Variants in ZKSCAN2 observed in about 807,000 individuals in gnomAD.
ZKSCAN2 encodes the protein zinc finger protein with KRAB and SCAN domains 2.
In ZKSCAN2, 38 loss-of-function variants were observed where a neutral mutation model predicts 90.5. The ratio of observed to expected loss-of-function variants is 0.42; its 90% CI spans 0.32 to 0.55. The LOEUF (loss-of-function observed/expected upper bound fraction) is 0.55, where lower values mean the gene tolerates loss of function less well. Ranked by LOEUF, ZKSCAN2 falls within the 20% of genes least tolerant of loss-of-function variation. The probability of loss-of-function intolerance (pLI) is 0.11; values close to 1 mark genes in which losing one functional copy is unlikely to be tolerated. For missense variants in ZKSCAN2, 1,167 were observed against 1,202.6 expected, an observed-to-expected ratio of 0.97 and a Z score of 0.44; for synonymous variants, 429 against 421.6, an observed-to-expected ratio of 1.02 and a Z score of -0.22.
intron 2 of ZKSCAN2, among the ~76,000 whole-genome samples, chr16:25,253,874 G>T (rs762939598): frequency 3.3e-5 from 5 of 152,180 alleles, no homozygotes; most frequent in Non-Finnish European, 7.3e-5. Context: ...CAGGCATGAT[G>T]GCACACGCCT....
At position 25,256,858 on chromosome 16, in the gene ZKSCAN2, A is replaced by C; in HGVS notation, c.270T>G (p.Ile90Met). ...CGGGTAAAATGGTGAGAAACTGCTC[A>C]ATCACCAGCAGCTCAAGTATTTGCT... ...SKEQILELLVIEQFLTILPEK... is the reference protein window; with the variant it reads ...SKEQILELLVMEQFLTILPEK... Residue 90 changes from isoleucine to methionine, a missense_variant, in exon 1 of 7, where the codon ATT (isoleucine) becomes ATG (methionine). Transcript: ENST00000328086. The C allele has an allele frequency of 6.2e-7, 1 of 1,614,190 alleles. No individual in the cohort carries two copies. Among genetic ancestry groups the C allele is most frequent in the East Asian group, 2.2e-5 (1 of 44,884 alleles).
In ZKSCAN2 at chr16:25,239,772, AG is replaced by A; in HGVS notation, c.*43del. On this transcript the variant is annotated 3_prime_UTR_variant, in exon 7 of 7. Transcript: ENST00000328086. The stretch of plus-strand genomic sequence containing the variant: ...AAAGATTGCTTCCAAGAATGAGATT[AG>A]GGTAAAATGGCTAAGGGGGCATTTA... 1.4e-6 allele frequency: 2 copies of A among 1,475,588 alleles called. No homozygotes were observed. The allele number at this position is 1,475,588 out of a possible 1,614,324, so 91.4% of individuals were successfully genotyped here.
intron 4 of ZKSCAN2, among the ~76,000 whole-genome samples, chr16:25,250,715 T>C (rs1033957712): frequency 1.3e-5 from 2 of 152,178 alleles, no homozygotes; most frequent in African/African-American, 2.4e-5. Flanking sequence ...CAAGTTGCAA[T>C]ATGACATTCT....
rs1468956747 is a variant in ZKSCAN2, at chr16:25,240,643, C to G, written c.2077G>C (p.Val693Leu). 1.9e-6 allele frequency: 3 copies of G among 1,614,186 alleles called. No homozygotes were observed. The highest frequency in any genetic ancestry group is 2.5e-6 in the Non-Finnish European group (3 of 1,180,026). The stretch of plus-strand genomic sequence containing the variant: ...CTGGGGTCGGTACTCTGGGAAACAA[C>G]TCTTTTAGACTTTTCTATTAATGCC... ...HRALIEKSKRVVSQSTDPSKY... is the reference protein window; with the variant it reads ...HRALIEKSKRLVSQSTDPSKY... The change falls in exon 7 of 7, where the codon GTT becomes CTT. Residue 693 changes from valine (V) to leucine (L), a missense_variant. Physicochemically the swap from Val to Leu is conservative, Grantham distance 32. Transcript: ENST00000328086.
At chr16:25,252,069 T>A in intron 3 of ZKSCAN2, 34 bp from the exon 4 acceptor site, 1 of 1,611,662 alleles carries the variant, frequency 6.2e-7, no homozygotes, top group Non-Finnish European at 8.5e-7. Context: ...ACTACCAAGA[T>A]AACTGCACAG....
intron 1 of ZKSCAN2, 45 bp from the exon 2 acceptor site, chr16:25,255,437 A>G (rs770968744): frequency 3.2e-6 from 5 of 1,559,468 alleles, no homozygotes; most frequent in Non-Finnish European, 4.3e-6. Context: ...AAACAGGCCC[A>G]TATCAGGGCG....
chr16:25,250,499 G>A (rs1254432125), intron 4 of ZKSCAN2, among the ~76,000 whole-genome samples: 6 of 152,248 alleles, frequency 3.9e-5, no homozygotes, highest in East Asian at 1.9e-4. Context: ...TGGTCAAAGC[G>A]TATAAGCTTT....
chr16:25,255,517 C>CTGGG, intron 1 of ZKSCAN2, 125 bp from the exon 2 acceptor site: 3 of 1,039,446 alleles, frequency 2.9e-6, no homozygotes, highest in Non-Finnish European at 4.1e-6. Context: ...ACTCCATTCC[C>CTGGG]AGTGGAGTCT....
rs938919447 is a variant in ZKSCAN2, at chr16:25,257,827, G to C, written c.-700C>G. On this transcript the variant is annotated 5_prime_UTR_variant, in exon 1 of 7. Transcript: ENST00000328086. ...GTTCGGCCTCGTCCACTCGGCCCGC[G>C]GAGAGCGCGGGGGGCGCTGGGAACC... 6.6e-5 allele frequency: 10 copies of C among 151,976 alleles called. No individual in the cohort carries two copies. The highest frequency in any genetic ancestry group is 2.4e-4 in the African/African-American group (10 of 41,404). 9.4% of individuals were successfully genotyped at this position (151,976 alleles called of 1,614,324 possible).
Position 25,239,133 on chromosome 16 carries a change from A to C in ZKSCAN2, c.*683T>G, listed in dbSNP as rs762318238. On this transcript the variant is annotated 3_prime_UTR_variant, in exon 7 of 7. Transcript: ENST00000328086. Reference sequence around the variant, plus strand: ...GGAGAAGCAGCAGCCAGGGGATTTAAGTCTTCGGGTACAGAAAAGGATGAG... The same window carrying C: ...GGAGAAGCAGCAGCCAGGGGATTTACGTCTTCGGGTACAGAAAAGGATGAG... The C allele has an allele frequency of 6.5e-5, 10 of 152,784 alleles. No homozygotes were observed. Among genetic ancestry groups the C allele is most frequent in the Non-Finnish European group, 1.5e-4 (10 of 68,130 alleles). 9.5% of individuals were successfully genotyped at this position (152,784 alleles called of 1,614,324 possible).
rs762720788 is a variant in ZKSCAN2 at position 25,240,415 on chromosome 16, G to C, written c.2305C>G (p.His769Asp). Residue 769 changes from histidine (H) to aspartate (D), a missense_variant, in exon 7 of 7, where the codon CAC (histidine) becomes GAC (aspartate). Physicochemically the swap from His to Asp is moderately conservative, Grantham distance 81 (BLOSUM62 -1). Coordinates refer to ENST00000328086, the MANE Select transcript of ZKSCAN2 (RefSeq NM_001012981.5). Reference sequence around the variant, plus strand: ...CACTTGTAAGGATTCTCCTTGTGGTGGGTCATCCGGCACATCAGACGAGTG... The same window carrying C: ...CACTTGTAAGGATTCTCCTTGTGGTCGGTCATCCGGCACATCAGACGAGTG... ...RSTRLMCRMTHHKENPYKCGV... is the reference protein window; with the variant it reads ...RSTRLMCRMTDHKENPYKCGV... 2 of 1,614,152 alleles carry C rather than the reference G, an allele frequency of 1.2e-6. No individual in the cohort carries two copies. Among genetic ancestry groups the C allele is most frequent in the Non-Finnish European group, 1.7e-6 (2 of 1,180,026 alleles).
rs143300766 is a variant in ZKSCAN2, at chr16:25,246,904, C to A, written c.1292G>T (p.Arg431Leu). 3.9e-5 allele frequency: 63 copies of A among 1,614,182 alleles called. No homozygotes were observed. In the African/African-American group the frequency reaches 8.0e-4, roughly 20 times the overall value. The part of the protein sequence containing the change: ...DMDALLNPAA[R>L]APSTDKPKEM... ...CTTTGGTTTATCAGTGGACGGAGCA[C>A]GGGCTGCAGGGTTCAACAAAGCATC... Residue 431 changes from arginine to leucine, a missense_variant, in exon 5 of 7, where the codon CGT (arginine) becomes CTT (leucine). Coordinates refer to ENST00000328086, the MANE Select transcript of ZKSCAN2 (RefSeq NM_001012981.5).
chr16:25,239,681 G>T lies in ZKSCAN2; in HGVS notation c.*135C>A. The T allele has an allele frequency of 1.4e-6, 1 of 734,092 alleles. No individual in the cohort carries two copies. The highest frequency in any genetic ancestry group is 2.2e-6 in the Non-Finnish European group (1 of 455,908). 45.5% of individuals were successfully genotyped at this position (734,092 alleles called of 1,614,324 possible). A position where few individuals can be genotyped will look rare whatever the true frequency, so the allele number is the denominator to read the frequency against. On this transcript the variant is annotated 3_prime_UTR_variant, in exon 7 of 7. Transcript: ENST00000328086. ...GAAGTTAGAGGCAGAGGTGAGAACA[G>T]GATGAAAGTGTTTAGTTTATTTATA...
In ZKSCAN2 at chr16:25,251,998, G is replaced by C; in HGVS notation, c.716C>G (p.Ser239Cys). The change falls in exon 4 of 7, where the codon TCC becomes TGC. Residue 239 changes from serine (S) to cysteine (C), a missense_variant. Ser to Cys is a moderately radical substitution (Grantham distance 112). Transcript: ENST00000328086. ...AATCTGATGCACACTCTTTCTGTAG[G>C]AAAAGCCTCTGGCCACGTGGACATC... ...VKDVHVARGF[S>C]YRKSVHQIPA... The C allele has an allele frequency of 6.2e-7, 1 of 1,614,178 alleles. No homozygotes were observed. The highest frequency in any genetic ancestry group is 2.2e-5 in the East Asian group (1 of 44,880).
chr16:25,246,365 T>C (rs1265551825), intron 5 of ZKSCAN2: 3 of 263,106 alleles, frequency 1.1e-5, no homozygotes, highest in Admixed American at 4.8e-5. Context: ...TGACTTATAA[T>C]GCAATACAAT....
intron 4 of ZKSCAN2, among the ~76,000 whole-genome samples, chr16:25,247,635 G>T (rs1289394676): frequency 6.6e-6 from 1 of 152,056 alleles, no homozygotes; most frequent in Non-Finnish European, 1.5e-5. Context: ...ACCTTTAAGG[G>T]TAAGAATATA....
At position 25,247,077 on chromosome 16, in the gene ZKSCAN2, C is replaced by T. The variant is rs1404691873; in HGVS notation, c.1119G>A (p.Val373=). 1.2e-6 allele frequency: 2 copies of T among 1,614,108 alleles called. No individual in the cohort carries two copies. The highest frequency in any genetic ancestry group is 1.7e-6 in the Non-Finnish European group (2 of 1,180,054). ...GCAACCATTCAGCCACAGCACCATACACTTGGCTATTTCGGGGACAGGCCT... is the reference window on the plus strand; with the variant it reads ...GCAACCATTCAGCCACAGCACCATATACTTGGCTATTTCGGGGACAGGCCT... ...TLQACPRNSQ[V]YGAVAEWLRE... is the part of the protein sequence containing the mutation. Residue 373 remains valine (V), a synonymous_variant, in exon 5 of 7, where the codon GTG becomes GTA. Transcript: ENST00000328086.
intron 2 of ZKSCAN2, among the ~76,000 whole-genome samples, chr16:25,254,862 C>T (rs979416187): frequency 2.6e-5 from 4 of 151,048 alleles, no homozygotes; most frequent in African/African-American, 4.9e-5. Context: ...GGTGTGATCA[C>T]GGCTTACTGC....
In ZKSCAN2 at chr16:25,238,357, C is replaced by T. The variant is rs913238854; in HGVS notation, c.*1459G>A. The T allele has an allele frequency of 3.9e-5, 6 of 152,250 alleles. No individual in the cohort carries two copies. The highest frequency in any genetic ancestry group is 1.3e-4 in the Admixed American group (2 of 15,280). The allele number at this position is 152,250 out of a possible 1,614,324, so 9.4% of individuals were successfully genotyped here. On this transcript the variant is annotated 3_prime_UTR_variant, in exon 7 of 7. Transcript: ENST00000328086. Reference sequence around the variant, plus strand: ...GTCACCTACATACTAAGGGAATAAACGCCACTGACTCCATCCTGAAGCAAC... The same window carrying T: ...GTCACCTACATACTAAGGGAATAAATGCCACTGACTCCATCCTGAAGCAAC...
Sources: allele counts gnomAD v4.1 joint callset (sites outside exome capture counted in the v4.1 genomes callset), GRCh38; gene constraint gnomAD v4.1.1; transcripts MANE v1.5; gene names NCBI Gene and HGNC (gene_info 2026-07-23, HGNC 2026-07-21).